The following ERCC6L2 variants were observed in gnomAD, a reference collection of about 807,000 sequenced individuals.
The protein encoded by ERCC6L2 is ERCC excision repair 6 like 2.
Under a neutral mutation model 132.0 loss-of-function variants are expected in ERCC6L2, and 77 were observed. That is an observed-to-expected ratio of 0.58 (90% CI 0.49 to 0.71). The LOEUF is 0.71. Among genes scored for constraint, ERCC6L2 ranks in the 30% least tolerant of loss-of-function variants. The probability of loss-of-function intolerance (pLI) is 0.00; values close to 1 mark genes in which losing one functional copy is unlikely to be tolerated. For missense variants in ERCC6L2, 1,542 were observed against 1,837.6 expected (o/e 0.84, Z 2.94); for synonymous variants, 583 against 632.4 (o/e 0.92, Z 1.17).
chr9:95,884,490 T>TTC (rs5899272), intron 2 of ERCC6L2, among the ~76,000 whole-genome samples: 2 of 57,068 alleles, frequency 3.5e-5, no homozygotes, highest in Non-Finnish European at 8.3e-5. Flanking sequence ...TCTTTTCTTC[T>TTC]TTTTTTTTTT....
rs551632358 is a variant in ERCC6L2 at position 95,886,829 on chromosome 9, T to C, written c.471+5536T>C. 3.3e-4 allele frequency among the ~76,000 whole-genome samples: 51 copies of C among 152,310 alleles called. 1 individual carries two copies. The South Asian group carries it at 0.011, about 32-fold the overall frequency. On this transcript the variant is annotated intron_variant, in intron 2 of 18. Coordinates refer to ENST00000653738, the MANE Select transcript of ERCC6L2 (RefSeq NM_020207.7). ...CTGGGAAAGACAGACCCATCCTTAATCTGGCAGGCACAGTCTTATCAGCTG... is the reference window on the plus strand; with the variant it reads ...CTGGGAAAGACAGACCCATCCTTAACCTGGCAGGCACAGTCTTATCAGCTG...
In ERCC6L2 at chr9:96,004,502, T is replaced by G. The variant is rs1489665260; in HGVS notation, c.3493-18T>G. 12 of 1,284,996 alleles carry G rather than the reference T, an allele frequency of 9.3e-6. No homozygotes were observed. The highest frequency in any genetic ancestry group is 1.2e-5 in the Non-Finnish European group (12 of 977,698). The allele number at this position is 1,284,996 out of a possible 1,614,324, so 79.6% of individuals were successfully genotyped here. A position where few individuals can be genotyped will look rare whatever the true frequency, so the allele number is the denominator to read the frequency against. ...CTATTTTTTCAGACATAGCTTTTGT[T>G]TCCTTTCTTTTTTTCAGACATATAA... On this transcript the variant is annotated intron_variant, in intron 17 of 18. Transcript: ENST00000653738.
chr9:95,968,351 GC>G (rs1832260141), intron 14 of ERCC6L2: 1 of 152,056 alleles, frequency 6.6e-6, no homozygotes, highest in Non-Finnish European at 1.5e-5. Context: ...GGCCATCCAT[GC>G]CCTACATTTG....
chr9:95,991,195 T>C lies in ERCC6L2; in HGVS notation c.3492+12980T>C, dbSNP rs1288102958. ...AAAAACGGGGTCAGCTGTTTCCACG[T>C]AGGACCACAGATCTAGGCTGAGCTT... On this transcript the variant is annotated intron_variant, in intron 17 of 18. Transcript: ENST00000653738. Among the ~76,000 whole-genome samples the C allele has an allele frequency of 2.0e-5, 3 of 152,016 alleles. No homozygotes were observed. The South Asian group carries it at 6.2e-4, about 31-fold the overall frequency.
intron 9 of ERCC6L2, among the ~76,000 whole-genome samples, chr9:95,927,620 AAAAT>A (rs1830157115): frequency 6.6e-6 from 1 of 152,212 alleles, no homozygotes; most frequent in Non-Finnish European, 1.5e-5. Flanking sequence ...TTATTCTAAG[AAAAT>A]AAATATCAAG....
At chr9:95,920,061 G>T (rs1316759504) in intron 6 of ERCC6L2, among the ~76,000 whole-genome samples, 1 of 152,196 alleles carries the variant, frequency 6.6e-6, no homozygotes, top group Non-Finnish European at 1.5e-5. Context: ...TATGATATGG[G>T]CACTGAAACT....
chr9:96,038,805 G>A (rs1159019380), intron 19 of ERCC6L2: 1 of 455,372 alleles, frequency 2.2e-6, no homozygotes, highest in African/African-American at 2.0e-5. Context: ...CCGAATGGGG[G>A]CTGGACTTAA....
At chr9:95,920,922 G>A (rs543263443) in intron 6 of ERCC6L2, among the ~76,000 whole-genome samples, 9 of 151,746 alleles carry the variant, frequency 5.9e-5, no homozygotes, top group Non-Finnish European at 7.4e-5. Flanking sequence ...GACTACAGGC[G>A]CGTGGCACCA....
intron 12 of ERCC6L2, among the ~76,000 whole-genome samples, chr9:95,953,980 T>G (rs1235557663): frequency 6.6e-6 from 1 of 152,190 alleles, no homozygotes; most frequent in African/African-American, 2.4e-5. Flanking sequence ...CTGCACTTAT[T>G]GAGTGTTTAT....
intron 2 of ERCC6L2, among the ~76,000 whole-genome samples, chr9:95,883,248 A>G (rs1471544260): frequency 1.3e-5 from 2 of 152,172 alleles, no homozygotes; most frequent in Non-Finnish European, 2.9e-5. Flanking sequence ...TCTCTGCTGT[A>G]AAAACTCCTA....
chr9:95,892,826 T>A (rs1280488513), intron 2 of ERCC6L2, among the ~76,000 whole-genome samples: 1 of 152,216 alleles, frequency 6.6e-6, no homozygotes, highest in African/African-American at 2.4e-5. Flanking sequence ...TCCTGATGAA[T>A]TGACCATTTT....
In ERCC6L2 at chr9:96,017,816, G is replaced by A. The variant is rs927149921; in HGVS notation, c.*4613G>A. Among the ~76,000 whole-genome samples, 2 of 152,146 alleles carry A rather than the reference G, an allele frequency of 1.3e-5. No individual in the cohort carries two copies. The highest frequency in any genetic ancestry group is 2.9e-5 in the Non-Finnish European group (2 of 68,038). On this transcript the variant is annotated 3_prime_UTR_variant, in exon 19 of 19. Transcript: ENST00000653738. ...ATATTTGAACATCTGTGTTCATAGT[G>A]GCATTATTCACAATGGCTACAACAC...
At chr9:95,919,028 C>T (rs1041199116) in intron 6 of ERCC6L2, among the ~76,000 whole-genome samples, 2 of 152,120 alleles carry the variant, frequency 1.3e-5, no homozygotes, top group African/African-American at 4.8e-5. Context: ...GCCACCATGC[C>T]CGGTTAATTT....
chr9:95,931,309 ATCCTGAACCTGCC>A (rs1191231059), intron 11 of ERCC6L2, among the ~76,000 whole-genome samples: 1 of 152,126 alleles, frequency 6.6e-6, no homozygotes, highest in African/African-American at 2.4e-5. Flanking sequence ...AGTCCTCTGT[ATCCTGAACCTGCC>A]TCCTGAAACT....
intron 10 of ERCC6L2, 76 bp downstream of exon 10, chr9:95,928,226 A>C: frequency 1.1e-6 from 1 of 941,934 alleles, no homozygotes; most frequent in Non-Finnish European, 1.7e-6. Context: ...ATATGCCTAC[A>C]TGACACCTTA....
intron 17 of ERCC6L2, among the ~76,000 whole-genome samples, chr9:95,987,820 C>G (rs1833152999): frequency 6.6e-6 from 1 of 152,234 alleles, no homozygotes; most frequent in African/African-American, 2.4e-5. Context: ...CAGAGAGGTT[C>G]TCCATGAGGG....
At chr9:95,906,501 T>C (rs1235676748) in intron 3 of ERCC6L2, 3 of 356,990 alleles carry the variant, frequency 8.4e-6, no homozygotes, top group East Asian at 7.9e-5. Flanking sequence ...GGGCAAAATA[T>C]ATGGAAATGA....
intron 1 of ERCC6L2, chr9:95,876,902 C>T (rs1041185538): frequency 6.6e-6 from 1 of 152,158 alleles, no homozygotes; most frequent in African/African-American, 2.4e-5. Context: ...AGGAGACTGG[C>T]AGCTAAAAAT....
rs138969529 is a variant in ERCC6L2 at position 96,025,528 on chromosome 9, T to C, written c.*1504-13348T>C. On this transcript the variant is annotated intron_variant and NMD_transcript_variant, in intron 19 of 20. Coordinates refer to the ERCC6L2 transcript ENST00000670016. The stretch of plus-strand genomic sequence containing the variant: ...GGTGGTCTGAGTTTCTGGAGATGAC[T>C]AGGAGTAGCAGGAAGGGACACTGAG... Among the ~76,000 whole-genome samples the C allele has an allele frequency of 7.3e-3, 1,112 of 152,154 alleles. 11 individuals carry two copies. Among genetic ancestry groups the C allele is most frequent in the Middle Eastern group, 0.017 (5 of 294 alleles).
Sources: allele counts gnomAD v4.1 joint callset (sites outside exome capture counted in the v4.1 genomes callset), GRCh38; gene constraint gnomAD v4.1.1; transcripts MANE v1.5; gene names NCBI Gene and HGNC (gene_info 2026-07-23, HGNC 2026-07-21).